The following GRIK2 variants were observed in gnomAD, a reference collection of about 807,000 sequenced individuals.
GRIK2 encodes the protein glutamate ionotropic receptor kainate type subunit 2, also known as glutamate receptor ionotropic, kainate 2.
GRIK2 carries 32 observed loss-of-function variants against 100.3 expected under a neutral mutation model. That is an observed-to-expected ratio of 0.32 (90% CI 0.24 to 0.43). The LOEUF (loss-of-function observed/expected upper bound fraction) is 0.43, where lower values mean the gene tolerates loss of function less well. Among genes scored for constraint, GRIK2 ranks in the 20% least tolerant of loss-of-function variants. The pLI, the probability that GRIK2 is intolerant of heterozygous loss-of-function variation, is 1.00. For missense variants in GRIK2, 843 were observed against 1,114.9 expected, an observed-to-expected ratio of 0.76 and a Z score of 3.47; for synonymous variants, 417 against 389.4, an observed-to-expected ratio of 1.07 and a Z score of -0.83.
At chr6:101,518,682 C>T (rs1774714828) in intron 2 of GRIK2, among the ~76,000 whole-genome samples, 1 of 152,104 alleles carries the variant, frequency 6.6e-6, no homozygotes. Context: ...CACTATATAG[C>T]TCTTTTAAAG....
At chr6:101,713,725 A>C (rs1583008206) in intron 7 of GRIK2, among the ~76,000 whole-genome samples, 2 of 151,738 alleles carry the variant, frequency 1.3e-5, no homozygotes, top group East Asian at 3.9e-4. Flanking sequence ...TTTTATAATG[A>C]TTTGGATAGA....
At chr6:102,064,808 G>A (rs1771935710) in intron 16 of GRIK2, among the ~76,000 whole-genome samples, 1 of 151,048 alleles carries the variant, frequency 6.6e-6, no homozygotes, top group African/African-American at 2.4e-5. Context: ...AGAAAAGAAT[G>A]TATATTTGCT....
At chr6:101,707,554 GTA>G (rs1395563285) in intron 7 of GRIK2, among the ~76,000 whole-genome samples, 3 of 117,254 alleles carry the variant, frequency 2.6e-5, no homozygotes, top group African/African-American at 7.8e-5. Context: ...GTATATATGT[GTA>G]TATATATGTA....
intron 14 of GRIK2, among the ~76,000 whole-genome samples, chr6:102,011,032 A>T (rs760274205): frequency 2.6e-5 from 4 of 152,034 alleles, no homozygotes; most frequent in Non-Finnish European, 5.9e-5. Context: ...TAAGTTTTCA[A>T]CTCGTTAGGG....
intron 14 of GRIK2, among the ~76,000 whole-genome samples, chr6:101,932,137 C>A (rs1790328662): frequency 6.6e-6 from 1 of 151,814 alleles, no homozygotes; most frequent in African/African-American, 2.4e-5. Context: ...ATACCGAGTG[C>A]CCTTGTTTCT....
At chr6:101,583,174 A>G (rs1223810826) in intron 2 of GRIK2, among the ~76,000 whole-genome samples, 1 of 152,128 alleles carries the variant, frequency 6.6e-6, no homozygotes, top group East Asian at 1.9e-4. Flanking sequence ...GATGTTTGAG[A>G]AAAGACTGAT....
intron 10 of GRIK2, among the ~76,000 whole-genome samples, chr6:101,837,421 C>G (rs866748306): frequency 6.6e-6 from 1 of 152,088 alleles, no homozygotes; most frequent in Non-Finnish European, 1.5e-5. Context: ...AAGAGGTTAA[C>G]TGTGAGGTGA....
At chr6:101,414,052 T>C (rs1310269012) in intron 2 of GRIK2, among the ~76,000 whole-genome samples, 1 of 129,154 alleles carries the variant, frequency 7.7e-6, no homozygotes, top group Admixed American at 7.3e-5. Context: ...GGTCTCTGCA[T>C]CAAGAAGGAT....
chr6:101,481,522 A>T (rs925056349), intron 2 of GRIK2, among the ~76,000 whole-genome samples: 10 of 152,140 alleles, frequency 6.6e-5, no homozygotes, highest in African/African-American at 2.4e-4. Context: ...TTTATTTTTT[A>T]AAATTTCCTG....
At chr6:101,502,687 G>C (rs1288645363) in intron 2 of GRIK2, among the ~76,000 whole-genome samples, 2 of 152,120 alleles carry the variant, frequency 1.3e-5, no homozygotes, top group African/African-American at 4.8e-5. Flanking sequence ...GAGATTGATA[G>C]GATATCTAGC....
intron 15 of GRIK2, among the ~76,000 whole-genome samples, chr6:102,037,477 C>T (rs1467496972): frequency 1.3e-5 from 2 of 151,098 alleles, no homozygotes; most frequent in Non-Finnish European, 3.0e-5. Context: ...TTTAGACTTC[C>T]CAGTGCATAA....
intron 7 of GRIK2, among the ~76,000 whole-genome samples, chr6:101,771,495 A>T (rs1429870116): frequency 6.6e-6 from 1 of 150,954 alleles, no homozygotes; most frequent in African/African-American, 2.4e-5. Context: ...CAATTTTTTG[A>T]ATTTTTATTT....
intron 7 of GRIK2, among the ~76,000 whole-genome samples, chr6:101,711,149 C>T (rs148164293): frequency 4.3e-4 from 65 of 151,882 alleles, no homozygotes; most frequent in Non-Finnish European, 8.1e-4. Context: ...TTAACATTTA[C>T]TGTTTTTTAC....
At chr6:101,795,662 C>T (rs2128411231) in intron 7 of GRIK2, among the ~76,000 whole-genome samples, 1 of 152,312 alleles carries the variant, frequency 6.6e-6, no homozygotes, top group South Asian at 2.1e-4. Context: ...CTGGTGTTTG[C>T]AGTGCCTGCA....
chr6:101,960,353 G>A (rs1792218162), intron 14 of GRIK2, among the ~76,000 whole-genome samples: 1 of 151,634 alleles, frequency 6.6e-6, no homozygotes, highest in Non-Finnish European at 1.5e-5. Context: ...TTTAGTTTTG[G>A]ATCCATTGCT....
At chr6:101,727,362 G>C (rs1298223210) in intron 7 of GRIK2, among the ~76,000 whole-genome samples, 2 of 152,068 alleles carry the variant, frequency 1.3e-5, no homozygotes, top group African/African-American at 2.4e-5. Flanking sequence ...CAGAGCTAGT[G>C]AAAATAGCGC....
chr6:101,753,691 A>T (rs1453891689), intron 7 of GRIK2, among the ~76,000 whole-genome samples: 1 of 152,104 alleles, frequency 6.6e-6, no homozygotes, highest in Non-Finnish European at 1.5e-5. Context: ...GGAACAGAAT[A>T]TTAGTGAAAA....
Position 101,578,505 on chromosome 6 carries a change from GT to G in GRIK2, c.116-43443del, listed in dbSNP as rs537273717. On this transcript the variant is annotated intron_variant, in intron 2 of 16. Coordinates refer to ENST00000369134, the MANE Select transcript of GRIK2 (RefSeq NM_021956.5). ...GCTGGTGCCAAGAGAGCTAATCAGA[GT>G]CTAGCATATGGGGCATTTGAACAAG... 5.7e-4 allele frequency among the ~76,000 whole-genome samples: 87 copies of G among 152,244 alleles called. No individual in the cohort carries two copies. The Middle Eastern group carries it at 0.027, about 48-fold the overall frequency.
At chr6:101,612,740 GT>G (rs796532531) in intron 2 of GRIK2, among the ~76,000 whole-genome samples, 1 of 150,522 alleles carries the variant, frequency 6.6e-6, no homozygotes, top group African/African-American at 2.5e-5. Flanking sequence ...GTGTGTGTGT[GT>G]GTGTGTGTGT....
Sources: gnomAD v4.1 joint callset for allele counts (sites outside exome capture counted in the v4.1 genomes callset) on GRCh38, gnomAD v4.1.1 for gene constraint, MANE v1.5 for transcripts, NCBI Gene and HGNC (gene_info 2026-07-23, HGNC 2026-07-21) for gene names.